Variants in SOX5 observed in about 807,000 individuals in gnomAD.
SOX5 encodes the protein SRY-box transcription factor 5.
SOX5 carries 9 observed loss-of-function variants against 92.0 expected under a neutral mutation model. That is an observed-to-expected ratio of 0.10 (90% confidence interval 0.06 to 0.17). The LOEUF is 0.17. Among genes scored for constraint, SOX5 ranks in the 10% least tolerant of loss-of-function variants. The pLI, the probability that SOX5 is intolerant of heterozygous loss-of-function variation, is 1.00. For missense variants in SOX5, 642 were observed against 944.5 expected, an observed-to-expected ratio of 0.68 and a Z score of 4.20; for synonymous variants, 344 against 336.3, an observed-to-expected ratio of 1.02 and a Z score of -0.25.
intron 3 of SOX5, among the ~76,000 whole-genome samples, chr12:23,803,417 C>T (rs1164061875): frequency 6.6e-6 from 1 of 152,108 alleles, no homozygotes. Flanking sequence ...CATCTGTCAC[C>T]AAGTCCCATT....
intron 4 of SOX5, among the ~76,000 whole-genome samples, chr12:24,002,368 A>G (rs962478540): frequency 1.3e-5 from 2 of 152,226 alleles, no homozygotes; most frequent in Admixed American, 1.3e-4. Flanking sequence ...CAAATGAAGG[A>G]TGAAAGGAGA....
At chr12:24,467,402 G>T (rs1014739574) in intron 1 of SOX5, among the ~76,000 whole-genome samples, 5 of 152,216 alleles carry the variant, frequency 3.3e-5, no homozygotes, top group Non-Finnish European at 7.3e-5. Context: ...AATGGGAAAT[G>T]ACTTCCTGGA....
intron 4 of SOX5, among the ~76,000 whole-genome samples, chr12:24,132,517 A>G (rs959679104): frequency 1.5e-4 from 23 of 152,180 alleles, no homozygotes; most frequent in African/African-American, 5.5e-4. Context: ...TGGGAAAACA[A>G]TGGAAAGAGA....
chr12:24,384,495 A>G (rs1268521179), intron 1 of SOX5, among the ~76,000 whole-genome samples: 1 of 152,228 alleles, frequency 6.6e-6, no homozygotes, highest in Non-Finnish European at 1.5e-5. Flanking sequence ...GCAAAAGAGA[A>G]AGGGTAAAGT....
At chr12:24,441,209 C>T (rs1018307690) in intron 1 of SOX5, among the ~76,000 whole-genome samples, 2 of 152,068 alleles carry the variant, frequency 1.3e-5, no homozygotes, top group Non-Finnish European at 2.9e-5. Flanking sequence ...AAAAAAATTC[C>T]CTCCTCCCAT....
intron 4 of SOX5, among the ~76,000 whole-genome samples, chr12:24,170,112 GC>G (rs1953910060): frequency 6.6e-6 from 1 of 152,150 alleles, no homozygotes; most frequent in Admixed American, 6.5e-5. Flanking sequence ...TTTCTCAGGG[GC>G]TCGTGTCAGA....
chr12:24,190,170 G>C (rs943295138), intron 4 of SOX5, among the ~76,000 whole-genome samples: 1 of 152,176 alleles, frequency 6.6e-6, no homozygotes, highest in Non-Finnish European at 1.5e-5. Context: ...AGTTAAGCCT[G>C]AGTTTCACAA....
intron 3 of SOX5, among the ~76,000 whole-genome samples, chr12:24,249,039 G>A (rs1174113792): frequency 2.6e-5 from 4 of 152,128 alleles, no homozygotes; most frequent in Non-Finnish European, 5.9e-5. Context: ...CGGATATATC[G>A]ATACATCATG....
At chr12:23,807,193 T>C (rs1310370853) in intron 3 of SOX5, among the ~76,000 whole-genome samples, 2 of 152,248 alleles carry the variant, frequency 1.3e-5, no homozygotes, top group Non-Finnish European at 2.9e-5. Flanking sequence ...AAATGGTCAA[T>C]TGGCCCATCT....
At chr12:23,702,935 T>C (rs2090871242) in intron 6 of SOX5, among the ~76,000 whole-genome samples, 1 of 152,064 alleles carries the variant, frequency 6.6e-6, no homozygotes, top group South Asian at 2.1e-4. Flanking sequence ...ACCTTCTTAT[T>C]ATAATCTGCA....
At chr12:24,099,816 T>C (rs1462626794) in intron 4 of SOX5, among the ~76,000 whole-genome samples, 1 of 152,164 alleles carries the variant, frequency 6.6e-6, no homozygotes, top group Non-Finnish European at 1.5e-5. Flanking sequence ...ACACTGCCCC[T>C]TCATCAACAA....
chr12:24,122,944 A>T (rs1010890783), intron 4 of SOX5, among the ~76,000 whole-genome samples: 1 of 152,258 alleles, frequency 6.6e-6, no homozygotes, highest in African/African-American at 2.4e-5. Flanking sequence ...AAGCCATTAG[A>T]GGCAAGTTCA....
At position 23,895,964 on chromosome 12, in the gene SOX5, C is replaced by T; in HGVS notation, c.99G>A (p.Val33=). ...YGEADGEVAM[V]TSRQKVEEEE... is the part of the protein sequence containing the mutation. ...CTTCTTCCACTTTCTGTCTGCTTGT[C>T]ACCATGGCTACCTCTCCATCTGCTT... Residue 33 remains valine (V), a synonymous_variant, in exon 2 of 15, where the codon GTG becomes GTA. Coordinates refer to ENST00000451604, the MANE Select transcript of SOX5 (RefSeq NM_006940.6). The T allele has an allele frequency of 1.2e-6, 2 of 1,614,162 alleles. No homozygotes were observed. The highest frequency in any genetic ancestry group is 1.7e-6 in the Non-Finnish European group (2 of 1,180,000).
chr12:24,137,362 G>A (rs568987960), intron 4 of SOX5, among the ~76,000 whole-genome samples: 7 of 152,268 alleles, frequency 4.6e-5, no homozygotes, highest in South Asian at 2.1e-4. Flanking sequence ...GCCAGGCAGG[G>A]TGGCTCAGGC....
intron 2 of SOX5, among the ~76,000 whole-genome samples, chr12:24,317,985 C>A (rs141823989): frequency 6.6e-6 from 1 of 151,948 alleles, no homozygotes; most frequent in Admixed American, 6.6e-5. Flanking sequence ...CTGAGGTGGG[C>A]GGATCACCTG....
intron 3 of SOX5, among the ~76,000 whole-genome samples, chr12:23,818,690 C>T (rs938528521): frequency 1.3e-5 from 2 of 152,074 alleles, no homozygotes; most frequent in Admixed American, 6.6e-5. Context: ...TTTTTGACTG[C>T]TATAATAACA....
At chr12:24,056,974 C>CCAAAAAAAAAAAAA (rs1958185752) in intron 4 of SOX5, among the ~76,000 whole-genome samples, 1 of 36,904 alleles carries the variant, frequency 2.7e-5, no homozygotes, top group Non-Finnish European at 5.6e-5. Context: ...GACTCCGTCT[C>CCAAAAAAAAAAAAA]AAAAAAAAAA....
intron 4 of SOX5, among the ~76,000 whole-genome samples, chr12:24,079,983 G>A (rs1943127900): frequency 6.6e-6 from 1 of 151,812 alleles, no homozygotes; most frequent in Non-Finnish European, 1.5e-5. Context: ...TTTCTGTGTT[G>A]TATACAATTA....
intron 4 of SOX5, among the ~76,000 whole-genome samples, chr12:24,166,832 C>T (rs1021092726): frequency 6.6e-6 from 1 of 151,970 alleles, no homozygotes; most frequent in South Asian, 2.1e-4. Context: ...TTTTTGCTAC[C>T]AAAAACAGTG....
Sources: allele counts gnomAD v4.1 joint callset (sites outside exome capture counted in the v4.1 genomes callset), GRCh38; gene constraint gnomAD v4.1.1; transcripts MANE v1.5; gene names NCBI Gene and HGNC (gene_info 2026-07-23, HGNC 2026-07-21).